Variants in GNPDA2 observed in about 807,000 individuals in gnomAD.
GNPDA2 encodes glucosamine-6-phosphate deaminase 2, also known as glcN6P deaminase 2.
A neutral mutation model predicts 27.0 loss-of-function variants in GNPDA2; 24 were observed. The ratio of observed to expected loss-of-function variants is 0.89; its 90% CI spans 0.64 to 1.25. The LOEUF (loss-of-function observed/expected upper bound fraction) is 1.25, where lower values mean the gene tolerates loss of function less well. Ranked by LOEUF, GNPDA2 falls within the 50% of genes most tolerant of loss-of-function variation. The pLI, the probability that GNPDA2 is intolerant of heterozygous loss-of-function variation, is 0.00. For synonymous variants in GNPDA2, 94 were observed against 108.4 expected, an observed-to-expected ratio of 0.87 and a Z score of 0.83; for missense variants, 286 against 335.1, an observed-to-expected ratio of 0.85 and a Z score of 1.14.
intron 4 of GNPDA2, among the ~76,000 whole-genome samples, chr4:44,713,723 T>C (rs1184545965): frequency 1.3e-5 from 2 of 151,920 alleles, no homozygotes; most frequent in African/African-American, 2.4e-5. Flanking sequence ...CCACTAAAGA[T>C]ACAAAAATTA....
intron 6 of GNPDA2, chr4:44,704,697 G>A: frequency 1.0e-6 from 1 of 969,784 alleles, no homozygotes. Context: ...TAATTCTTCT[G>A]ATAAAAATGC....
At position 44,717,100 on chromosome 4, in the gene GNPDA2, G is replaced by T; in HGVS notation, c.409+13C>A. The T allele has an allele frequency of 6.3e-7, 1 of 1,575,160 alleles. No individual in the cohort carries two copies. The highest frequency in any genetic ancestry group is 1.2e-5 in the South Asian group (1 of 85,918). Reference sequence around the variant, plus strand: ...CACTAACAAACAGTTAATGACAAAAGGTTTTTACATACCTCCAACAAAAAG... The same window carrying T: ...CACTAACAAACAGTTAATGACAAAATGTTTTTACATACCTCCAACAAAAAG... On this transcript the variant is annotated intron_variant, in intron 4 of 6. Transcript: ENST00000295448.
At chr4:44,708,028 GAA>G (rs1378007305) in intron 5 of GNPDA2, 102 bp from the exon 6 acceptor site, 4 of 729,546 alleles carry the variant, frequency 5.5e-6, no homozygotes, top group African/African-American at 5.3e-5. Flanking sequence ...TTTTCTGAGA[GAA>G]AGAAAAATAC....
chr4:44,705,562 C>G (rs1716546923), intron 6 of GNPDA2: 2 of 618,320 alleles, frequency 3.2e-6, no homozygotes, highest in African/African-American at 2.0e-5. Flanking sequence ...TAAACATCTA[C>G]CACCCTTCTA....
intron 2 of GNPDA2, 30 bp from the exon 3 acceptor site, chr4:44,718,440 AAT>A: frequency 2.6e-6 from 2 of 767,304 alleles, no homozygotes; most frequent in Non-Finnish European, 4.0e-6. Context: ...CATTTTCTAA[AAT>A]GACTTAATAA....
At chr4:44,724,072 G>C (rs541104278) in intron 1 of GNPDA2, among the ~76,000 whole-genome samples, 20 of 152,290 alleles carry the variant, frequency 1.3e-4, no homozygotes, top group Non-Finnish European at 1.5e-5. Context: ...TTGGTCCTTT[G>C]CTACTTGGGC....
chr4:44,702,132 T>G lies in GNPDA2; in HGVS notation c.*949A>C, dbSNP rs999871372. The G allele has an allele frequency of 1.1e-6, 1 of 951,410 alleles. No individual in the cohort carries two copies. Among genetic ancestry groups the G allele is most frequent in the African/African-American group, 1.8e-5 (1 of 56,526 alleles). The allele number at this position is 951,410 out of a possible 1,614,324, so 58.9% of individuals were successfully genotyped here. On this transcript the variant is annotated 3_prime_UTR_variant, in exon 7 of 7. Transcript: ENST00000295448. ...AGTCGAATGCATGTATTCTTCAGGT[T>G]CACTTCTGGAAATTTAGATAACTTA...
chr4:44,720,341 G>C (rs1003872069), intron 2 of GNPDA2, among the ~76,000 whole-genome samples: 6 of 152,124 alleles, frequency 3.9e-5, no homozygotes, highest in Admixed American at 3.9e-4. Flanking sequence ...AATCTAGATA[G>C]GTCTGGTGCC....
intron 4 of GNPDA2, among the ~76,000 whole-genome samples, chr4:44,713,595 T>C (rs560108520): frequency 6.6e-6 from 1 of 152,290 alleles, no homozygotes; most frequent in African/African-American, 2.4e-5. Context: ...AAAAACACTA[T>C]TAGGCCGGGT....
intron 6 of GNPDA2, 68 bp downstream of exon 6, chr4:44,707,683 AG>A: frequency 1.5e-6 from 2 of 1,351,398 alleles, no homozygotes; most frequent in African/African-American, 2.9e-5. Flanking sequence ...TTAACCCCAC[AG>A]TCACAGTAAG....
chr4:44,719,834 C>T (rs1190169067), intron 2 of GNPDA2, among the ~76,000 whole-genome samples: 3 of 151,890 alleles, frequency 2.0e-5, no homozygotes. Context: ...TTTATATTTG[C>T]TTTGTAATAG....
chr4:44,710,273 T>C (rs1716890565), intron 5 of GNPDA2, among the ~76,000 whole-genome samples: 2 of 152,278 alleles, frequency 1.3e-5, no homozygotes, highest in Non-Finnish European at 2.9e-5. Context: ...ACCTTGTCTA[T>C]AGTTTTTTCC....
Position 44,702,417 on chromosome 4 carries a change from C to T in GNPDA2, c.*664G>A, listed in dbSNP as rs373755312. ...TTATATTAGGGACATGAACCCAAGT[C>T]GTTAAATAAAAATAAGATATTTGTA... On this transcript the variant is annotated 3_prime_UTR_variant, in exon 7 of 7. Coordinates refer to ENST00000295448, the MANE Select transcript of GNPDA2 (RefSeq NM_138335.3). 8 of 974,586 alleles carry T rather than the reference C, an allele frequency of 8.2e-6. No homozygotes were observed. Among genetic ancestry groups the T allele is most frequent in the East Asian group, 1.1e-4 (1 of 8,764 alleles). 60.4% of individuals were successfully genotyped at this position (974,586 alleles called of 1,614,324 possible). A position where few individuals can be genotyped will look rare whatever the true frequency, so the allele number is the denominator to read the frequency against.
intron 1 of GNPDA2, 109 bp from the exon 2 acceptor site, chr4:44,722,351 G>A (rs1717726722): frequency 1.3e-6 from 1 of 758,720 alleles, no homozygotes; most frequent in African/African-American, 1.8e-5. Context: ...AGAATATACT[G>A]ATGATTTTTA....
At chr4:44,720,570 G>C (rs558264916) in intron 2 of GNPDA2, among the ~76,000 whole-genome samples, 1 of 152,230 alleles carries the variant, frequency 6.6e-6, no homozygotes, top group African/African-American at 2.4e-5. Context: ...GGTCACGTGA[G>C]TAAATATAAA....
At chr4:44,724,831 C>T (rs998402009) in intron 1 of GNPDA2, among the ~76,000 whole-genome samples, 2 of 152,106 alleles carry the variant, frequency 1.3e-5, no homozygotes, top group African/African-American at 2.4e-5. Flanking sequence ...TATTTATTTA[C>T]AGAAAATAAA....
chr4:44,716,976 C>A, intron 4 of GNPDA2, 137 bp downstream of exon 4: 1 of 535,950 alleles, frequency 1.9e-6, no homozygotes, highest in Non-Finnish European at 3.3e-6. Flanking sequence ...AAACAGGAAT[C>A]AGTAGCAGAA....
intron 6 of GNPDA2, chr4:44,707,078 G>C (rs896563797): frequency 4.6e-5 from 7 of 152,076 alleles, no homozygotes; most frequent in Non-Finnish European, 8.8e-5. Context: ...ATTGGGTATA[G>C]GCAAAATGTC....
At position 44,716,628 on chromosome 4, in the gene GNPDA2, TA is replaced by T. The variant is rs1487924659; in HGVS notation, c.409+484del. Reference sequence around the variant, plus strand: ...CTCATATTAACTTAAGGCTGGTAAGTAAAAAGTTTTACATCATTCTTAACTG... The same window carrying T: ...CTCATATTAACTTAAGGCTGGTAAGTAAAAGTTTTACATCATTCTTAACTG... On this transcript the variant is annotated intron_variant, in intron 4 of 6. Transcript: ENST00000295448. Among the ~76,000 whole-genome samples, 3 of 152,040 alleles carry T rather than the reference TA, an allele frequency of 2.0e-5. No homozygotes were observed. In the East Asian group the frequency reaches 5.8e-4, roughly 29 times the overall value.
Sources: gnomAD v4.1 joint callset for allele counts (sites outside exome capture counted in the v4.1 genomes callset) on GRCh38, gnomAD v4.1.1 for gene constraint, MANE v1.5 for transcripts, NCBI Gene and HGNC (gene_info 2026-07-23, HGNC 2026-07-21) for gene names.